Variants in MAST4 observed in about 807,000 individuals in gnomAD.
MAST4 encodes microtubule-associated serine/threonine-protein kinase 4.
Under a neutral mutation model 162.7 loss-of-function variants are expected in MAST4, and 89 were observed. That is an observed-to-expected ratio of 0.55 (90% confidence interval 0.46 to 0.65). MAST4 has a LOEUF of 0.65. Ranked by LOEUF, MAST4 falls within the 30% of genes least tolerant of loss-of-function variation. The pLI, the probability that MAST4 is intolerant of heterozygous loss-of-function variation, is 0.00. For synonymous variants in MAST4, 1,479 were observed against 1,361.1 expected (o/e 1.09, Z -1.91); for missense variants, 3,153 against 3,374.0 (o/e 0.93, Z 1.62).
At chr5:66,785,289 G>A (rs2149668729) in intron 2 of MAST4, among the ~76,000 whole-genome samples, 1 of 152,274 alleles carries the variant, frequency 6.6e-6, no homozygotes, top group African/African-American at 2.4e-5. Context: ...CTGATGCCAA[G>A]CCTGTGGTTT....
chr5:67,153,505 A>G lies in MAST4; in HGVS notation c.3573A>G (p.Gly1191=). Residue 1191 remains glycine (G), a synonymous_variant, in exon 26 of 29, where the codon GGA becomes GGG. Coordinates refer to ENST00000403625, the MANE Select transcript of MAST4 (RefSeq NM_001164664.2). The part of the protein sequence containing the change: ...SPACQAGLKA[G]DLITHINGEP... The stretch of plus-strand genomic sequence containing the variant: ...CATGCCAGGCAGGACTGAAGGCTGG[A>G]GATCTTATCACTCACATCAATGGAG... 1 of 1,603,626 alleles carries G rather than the reference A, an allele frequency of 6.2e-7. No individual in the cohort carries two copies. The highest frequency in any genetic ancestry group is 8.5e-7 in the Non-Finnish European group (1 of 1,174,690).
chr5:66,881,972 T>C (rs886338532), intron 3 of MAST4, among the ~76,000 whole-genome samples: 2 of 152,210 alleles, frequency 1.3e-5, no homozygotes, highest in Non-Finnish European at 2.9e-5. Flanking sequence ...TGTTTCCCAG[T>C]AGTACTTGAG....
intron 2 of MAST4, among the ~76,000 whole-genome samples, chr5:66,783,134 G>A (rs1301829584): frequency 6.6e-6 from 1 of 152,116 alleles, no homozygotes; most frequent in Admixed American, 6.5e-5. Context: ...CGCAAATAAC[G>A]ACATCTAAAA....
intron 4 of MAST4, among the ~76,000 whole-genome samples, chr5:66,921,866 G>A (rs184062416): frequency 1.4e-4 from 22 of 152,136 alleles, no homozygotes; most frequent in East Asian, 7.7e-4. Context: ...TTCATGTAAC[G>A]TTCTAATTAA....
At chr5:66,776,294 G>T (rs146612268) in intron 2 of MAST4, among the ~76,000 whole-genome samples, 116 of 152,310 alleles carry the variant, frequency 7.6e-4, no homozygotes, top group African/African-American at 2.8e-3. Flanking sequence ...TCTCAGGGTT[G>T]CCAGTGACAT....
At chr5:66,598,070 C>T (rs1285313353) in intron 1 of MAST4, among the ~76,000 whole-genome samples, 2 of 152,092 alleles carry the variant, frequency 1.3e-5, no homozygotes, top group Admixed American at 6.5e-5. Flanking sequence ...TAAATAATTG[C>T]CTTTGTCCCT....
chr5:67,065,475 AAACT>A (rs559058287), intron 5 of MAST4, among the ~76,000 whole-genome samples: 56 of 152,296 alleles, frequency 3.7e-4, no homozygotes, highest in African/African-American at 1.3e-3. Flanking sequence ...TGTCACAGGC[AAACT>A]AACTGTTCCA....
At chr5:67,137,859 CA>C (rs1769866532) in intron 19 of MAST4, among the ~76,000 whole-genome samples, 1 of 152,202 alleles carries the variant, frequency 6.6e-6, no homozygotes, top group Non-Finnish European at 1.5e-5. Flanking sequence ...GCATGCCCTG[CA>C]AAGACTGAAA....
chr5:66,837,894 A>ATATTT (rs1554057455), intron 3 of MAST4, among the ~76,000 whole-genome samples: 1 of 53,708 alleles, frequency 1.9e-5, no homozygotes, highest in Non-Finnish European at 3.0e-5. Flanking sequence ...ATATATATAT[A>ATATTT]TTTTTTTTTT....
intron 3 of MAST4, among the ~76,000 whole-genome samples, chr5:66,836,125 C>A (rs1017581066): frequency 6.6e-6 from 1 of 151,536 alleles, no homozygotes; most frequent in East Asian, 1.9e-4. Context: ...GAGCTGTGTT[C>A]GTGCCACTGC....
chr5:66,951,450 G>A (rs1471469301), intron 4 of MAST4, among the ~76,000 whole-genome samples: 1 of 152,028 alleles, frequency 6.6e-6, no homozygotes, highest in Non-Finnish European at 1.5e-5. Flanking sequence ...TGATTACACT[G>A]GGTCCACACA....
chr5:66,872,595 G>A (rs939887040), intron 3 of MAST4, among the ~76,000 whole-genome samples: 5 of 152,148 alleles, frequency 3.3e-5, no homozygotes, highest in Non-Finnish European at 7.3e-5. Flanking sequence ...CCGCCGAGCC[G>A]CAGACAACTC....
At chr5:66,639,562 A>G (rs529227781) in intron 1 of MAST4, among the ~76,000 whole-genome samples, 1 of 152,262 alleles carries the variant, frequency 6.6e-6, no homozygotes, top group Admixed American at 6.5e-5. Flanking sequence ...GTGTTTTAGT[A>G]TATGCCTAAG....
intron 1 of MAST4, among the ~76,000 whole-genome samples, chr5:66,751,654 A>G (rs1457165359): frequency 6.6e-6 from 1 of 150,974 alleles, no homozygotes; most frequent in Admixed American, 6.6e-5. Context: ...TGAAAAGACC[A>G]AATCTATGTC....
intron 5 of MAST4, among the ~76,000 whole-genome samples, chr5:67,085,916 A>T (rs1049535023): frequency 6.6e-6 from 1 of 152,182 alleles, no homozygotes; most frequent in African/African-American, 2.4e-5. Context: ...ACTCAGGTTG[A>T]GGTTCCTGCA....
intron 3 of MAST4, among the ~76,000 whole-genome samples, chr5:66,801,592 T>A (rs1755925819): frequency 6.6e-6 from 1 of 152,238 alleles, no homozygotes; most frequent in South Asian, 2.1e-4. Context: ...AGATCTGCTT[T>A]TTAAATCATC....
chr5:66,678,980 CAG>C (rs1475177147), intron 1 of MAST4, among the ~76,000 whole-genome samples: 1 of 152,174 alleles, frequency 6.6e-6, no homozygotes, highest in East Asian at 1.9e-4. Context: ...TTAATAGAGA[CAG>C]AGTTTTGCCA....
intron 10 of MAST4, among the ~76,000 whole-genome samples, chr5:67,106,569 C>A (rs1765618400): frequency 6.6e-6 from 1 of 152,164 alleles, no homozygotes; most frequent in Non-Finnish European, 1.5e-5. Flanking sequence ...TGGCTCAGAC[C>A]CTCATCCAGC....
chr5:67,070,669 A>G (rs1016413763), intron 5 of MAST4, among the ~76,000 whole-genome samples: 1 of 152,216 alleles, frequency 6.6e-6, no homozygotes, highest in Non-Finnish European at 1.5e-5. Context: ...CTAAGAACAT[A>G]CCAATGATCA....
Sources: gnomAD v4.1 joint callset for allele counts (sites outside exome capture counted in the v4.1 genomes callset) on GRCh38, gnomAD v4.1.1 for gene constraint, MANE v1.5 for transcripts, NCBI Gene and HGNC (gene_info 2026-07-23, HGNC 2026-07-21) for gene names.